KIF11: variants seen among roughly 807,000 people sequenced by gnomAD.
KIF11 encodes the protein kinesin family member 11, also known as kinesin-like protein KIF11.
KIF11 carries 9 observed loss-of-function variants against 121.0 expected under a neutral mutation model. The ratio of observed to expected loss-of-function variants is 0.07; its 90% CI spans 0.04 to 0.13. The LOEUF is 0.13. Ranked by LOEUF, KIF11 falls within the 10% of genes least tolerant of loss-of-function variation. The pLI is 1.00. For synonymous variants in KIF11, 408 were observed against 421.0 expected, an observed-to-expected ratio of 0.97 and a Z score of 0.38; for missense variants, 846 against 1,217.5, an observed-to-expected ratio of 0.69 and a Z score of 4.54.
intron 1 of KIF11, among the ~76,000 whole-genome samples, chr10:92,598,436 T>C (rs1315770320): frequency 6.6e-6 from 1 of 152,230 alleles, no homozygotes; most frequent in Admixed American, 6.5e-5. Flanking sequence ...AGTGCTGTTA[T>C]GTTCCATTGG....
intron 8 of KIF11, among the ~76,000 whole-genome samples, chr10:92,615,637 A>G (rs1844546631): frequency 6.6e-6 from 1 of 151,572 alleles, no homozygotes; most frequent in African/African-American, 2.4e-5. Context: ...CATTTGCCCC[A>G]CTCCCATCGC....
At chr10:92,650,649 TTA>T (rs1844970968) in intron 21 of KIF11, 132 bp downstream of exon 21, 2 of 613,342 alleles carry the variant, frequency 3.3e-6, no homozygotes, top group East Asian at 5.4e-5. Flanking sequence ...TTGTTAACGC[TTA>T]TGATTTGAAT....
At chr10:92,630,425 T>C (rs1006402908) in intron 12 of KIF11, 61 bp downstream of exon 12, 1 of 1,012,500 alleles carries the variant, frequency 9.9e-7, no homozygotes, top group African/African-American at 1.7e-5. Flanking sequence ...AAAAATTTTC[T>C]GTGCTTAAGC....
At chr10:92,646,250 C>A (rs541844839) in intron 18 of KIF11, among the ~76,000 whole-genome samples, 1 of 152,082 alleles carries the variant, frequency 6.6e-6, no homozygotes, top group Admixed American at 6.6e-5. Context: ...CTGCGCCCGG[C>A]CTATCTTTGC....
At chr10:92,616,170 A>T (rs1161126653) in intron 8 of KIF11, among the ~76,000 whole-genome samples, 1 of 150,774 alleles carries the variant, frequency 6.6e-6, no homozygotes, top group Non-Finnish European at 1.5e-5. Flanking sequence ...ATCAGTTGGT[A>T]GATTGATTGA....
chr10:92,604,182 A>G (rs952191709), intron 1 of KIF11, among the ~76,000 whole-genome samples: 1 of 152,202 alleles, frequency 6.6e-6, no homozygotes, highest in African/African-American at 2.4e-5. Flanking sequence ...TGGGTAGGAA[A>G]CTAATGACTT....
Position 92,637,275 on chromosome 10 carries a change from A to G in KIF11, c.1967A>G (p.His656Arg). ...SILKINSQLKHIFKTSLTVAD... is the reference protein window; with the variant it reads ...SILKINSQLKRIFKTSLTVAD... ...CTGAAAATCAATAGTCAACTAAAGC[A>G]TATTTTCAAGACTTCATTGACAGTG... The change falls in exon 15 of 22, where the codon CAT becomes CGT. Residue 656 changes from histidine (H) to arginine (R), a missense_variant. Physicochemically the swap from His to Arg is conservative, Grantham distance 29. Transcript: ENST00000260731. 1.3e-6 allele frequency: 2 copies of G among 1,590,570 alleles called. No individual in the cohort carries two copies. The highest frequency in any genetic ancestry group is 1.7e-6 in the Non-Finnish European group (2 of 1,174,758).
At chr10:92,617,357 C>T (rs1425776294) in intron 9 of KIF11, among the ~76,000 whole-genome samples, 1 of 152,206 alleles carries the variant, frequency 6.6e-6, no homozygotes, top group African/African-American at 2.4e-5. Context: ...TTTTGCCTAG[C>T]ATAACCATTT....
At chr10:92,621,560 A>G (rs1265043776) in intron 10 of KIF11, 87 bp downstream of exon 10, 6 of 767,526 alleles carry the variant, frequency 7.8e-6, no homozygotes, top group Non-Finnish European at 1.3e-5. Context: ...AGCAGTAAGT[A>G]AAATCTTTAT....
chr10:92,646,008 A>AT (rs1227637244), intron 18 of KIF11, among the ~76,000 whole-genome samples: 1 of 144,976 alleles, frequency 6.9e-6, no homozygotes, highest in African/African-American at 2.6e-5. Flanking sequence ...CTGGAGTGCA[A>AT]TGGCACGATC....
intron 6 of KIF11, among the ~76,000 whole-genome samples, chr10:92,610,447 CG>C (rs1246844573): frequency 6.6e-6 from 1 of 152,142 alleles, no homozygotes; most frequent in Non-Finnish European, 1.5e-5. Context: ...CATAAATTTA[CG>C]TAAGTTAGAA....
chr10:92,607,040 G>A lies in KIF11; in HGVS notation c.309-119G>A, dbSNP rs1483056773. On this transcript the variant is annotated intron_variant, in intron 3 of 21. Coordinates refer to ENST00000260731, the MANE Select transcript of KIF11 (RefSeq NM_004523.4). ...GATCCGCCCACCTCGGCCTCCCAAA[G>A]TGTTGGGATTATAGGCTTGAGCCAC... 7.6e-6 allele frequency: 5 copies of A among 657,696 alleles called. No individual in the cohort carries two copies. In the African/African-American group the frequency reaches 9.2e-5, roughly 12 times the overall value. The allele number at this position is 657,696 out of a possible 1,614,324, so 40.7% of individuals were successfully genotyped here.
At chr10:92,595,214 C>A (rs11187086) in intron 1 of KIF11, among the ~76,000 whole-genome samples, 2,873 of 152,272 alleles carry the variant, frequency 0.019, 106 homozygotes, top group African/African-American at 0.066. Flanking sequence ...CGCACACCGC[C>A]ATGCCTGGCT....
intron 1 of KIF11, 141 bp downstream of exon 1, chr10:92,593,593 G>C (rs1844257482): frequency 1.5e-6 from 1 of 676,292 alleles, no homozygotes; most frequent in South Asian, 2.0e-5. Flanking sequence ...CAATAAAAAT[G>C]ACACCCGGTT....
chr10:92,631,652 C>T (rs1453465828), intron 12 of KIF11, among the ~76,000 whole-genome samples: 11 of 149,764 alleles, frequency 7.3e-5, no homozygotes, highest in African/African-American at 2.5e-4. Flanking sequence ...TGAGCCACCG[C>T]GCCCGGCCTT....
chr10:92,648,232 G>A lies in KIF11; in HGVS notation c.2568G>A (p.Glu856=). 1 of 1,608,962 alleles carries A rather than the reference G, an allele frequency of 6.2e-7. No individual in the cohort carries two copies. The highest frequency in any genetic ancestry group is 8.5e-7 in the Non-Finnish European group (1 of 1,177,682). The change falls in exon 19 of 22, where the codon GAG becomes GAA. Residue 856 remains glutamate (E), a synonymous_variant. Coordinates refer to ENST00000260731, the MANE Select transcript of KIF11 (RefSeq NM_004523.4). ...TACAGGTTGTAAGCCAATGTTGTGA[G>A]GCTTCAAGTTCAGACATCACTGAGA... The part of the protein sequence containing the change: ...NLLEVVSQCC[E]ASSSDITEKS...
At chr10:92,601,314 C>T (rs993161834) in intron 1 of KIF11, among the ~76,000 whole-genome samples, 2 of 152,162 alleles carry the variant, frequency 1.3e-5, no homozygotes, top group South Asian at 4.1e-4. Flanking sequence ...GATTCTCCTG[C>T]CTCAGCCTTC....
At chr10:92,651,296 G>A (rs922242915) in intron 21 of KIF11, among the ~76,000 whole-genome samples, 1 of 151,834 alleles carries the variant, frequency 6.6e-6, no homozygotes, top group Non-Finnish European at 1.5e-5. Flanking sequence ...CCAAAGTGCT[G>A]GGATTACAGG....
chr10:92,635,274 A>T (rs1478767157), intron 14 of KIF11, among the ~76,000 whole-genome samples: 4 of 152,218 alleles, frequency 2.6e-5, no homozygotes, highest in African/African-American at 9.6e-5. Flanking sequence ...AAATTAAAAG[A>T]TATCCTGTCA....
Sources: allele counts gnomAD v4.1 joint callset (sites outside exome capture counted in the v4.1 genomes callset), GRCh38; gene constraint gnomAD v4.1.1; transcripts MANE v1.5; gene names NCBI Gene and HGNC (gene_info 2026-07-23, HGNC 2026-07-21).